Variants in PLXNC1 observed in about 807,000 individuals in gnomAD.
The protein encoded by PLXNC1 is plexin C1.
Under a neutral mutation model 178.2 loss-of-function variants are expected in PLXNC1, and 75 were observed. That is an observed-to-expected ratio of 0.42 (90% CI 0.35 to 0.51). PLXNC1 has a LOEUF of 0.51. PLXNC1 is among the 20% of genes least tolerant of loss of function. The pLI is 0.02. For missense variants in PLXNC1, 1,503 were observed against 1,984.4 expected, an observed-to-expected ratio of 0.76 and a Z score of 4.61; for synonymous variants, 790 against 779.9, an observed-to-expected ratio of 1.01 and a Z score of -0.22.
chr12:94,207,011 G>A (rs1963320360), intron 4 of PLXNC1, among the ~76,000 whole-genome samples: 1 of 152,168 alleles, frequency 6.6e-6, no homozygotes, highest in Non-Finnish European at 1.5e-5. Context: ...ACTAAAATAT[G>A]GGAGCTATAA....
At chr12:94,251,056 G>T (rs1964671022) in intron 14 of PLXNC1, among the ~76,000 whole-genome samples, 1 of 151,874 alleles carries the variant, frequency 6.6e-6, no homozygotes, top group East Asian at 2.0e-4. Context: ...CTGTAAAAAT[G>T]ATAAAAATTG....
At position 94,149,413 on chromosome 12, in the gene PLXNC1, C is replaced by A. The variant is rs1338776121; in HGVS notation, c.442C>A (p.Arg148Ser). ...GGGCAACCTGAGCCGCAACTCCCTGCGCAACGGCACCGAGGTGGTGTCGTG... is the reference window on the plus strand; with the variant it reads ...GGGCAACCTGAGCCGCAACTCCCTGAGCAACGGCACCGAGGTGGTGTCGTG... ...PLGNLSRNSL[R>S]NGTEVVSCHP... is the part of the protein sequence containing the mutation. Residue 148 changes from arginine to serine, a missense_variant, in exon 1 of 31, where the codon CGC becomes AGC. Physicochemically the swap from Arg to Ser is moderately radical, Grantham distance 110. Coordinates refer to ENST00000258526, the MANE Select transcript of PLXNC1 (RefSeq NM_005761.3). 7.0e-7 allele frequency: 1 copy of A among 1,436,552 alleles called. No homozygotes were observed. The highest frequency in any genetic ancestry group is 9.1e-7 in the Non-Finnish European group (1 of 1,104,728). The allele number at this position is 1,436,552 out of a possible 1,614,324, so 89.0% of individuals were successfully genotyped here.
Position 94,243,941 on chromosome 12 carries a change from T to C in PLXNC1, c.2304T>C (p.Gly768=), listed in dbSNP as rs1470113037. Reference sequence around the variant, plus strand: ...TTGTTGCTTTTATTCCTTGCAGTGGTGGTCAAAATATAACCATGATGGGCA... The same window carrying C: ...TTGTTGCTTTTATTCCTTGCAGTGGCGGTCAAAATATAACCATGATGGGCA... ...LIFPATTWIS[G]GQNITMMGRN... The change falls in exon 12 of 31, where the codon GGT becomes GGC. Residue 768 remains glycine, a synonymous_variant. Coordinates refer to ENST00000258526, the MANE Select transcript of PLXNC1 (RefSeq NM_005761.3). 2 of 1,560,502 alleles carry C rather than the reference T, an allele frequency of 1.3e-6. No individual in the cohort carries two copies. The highest frequency in any genetic ancestry group is 1.8e-6 in the Non-Finnish European group (2 of 1,135,110).
intron 4 of PLXNC1, among the ~76,000 whole-genome samples, chr12:94,207,232 T>C: frequency 6.6e-6 from 1 of 152,198 alleles, no homozygotes; most frequent in Non-Finnish European, 1.5e-5. Context: ...GGTTGTTTTT[T>C]TATATATATA....
At chr12:94,297,876 TAA>T (rs777694584) in intron 26 of PLXNC1, among the ~76,000 whole-genome samples, 11 of 152,232 alleles carry the variant, frequency 7.2e-5, no homozygotes, top group Non-Finnish European at 1.5e-4. Flanking sequence ...TGCTCACACA[TAA>T]AAGTGTCAGA....
intron 27 of PLXNC1, among the ~76,000 whole-genome samples, chr12:94,299,074 A>G (rs926986630): frequency 1.2e-4 from 19 of 152,222 alleles, no homozygotes; most frequent in African/African-American, 4.6e-4. Flanking sequence ...GTTGACCAGT[A>G]AAGAATGAGA....
At chr12:94,254,054 T>C (rs1964774448) in intron 15 of PLXNC1, among the ~76,000 whole-genome samples, 2 of 152,216 alleles carry the variant, frequency 1.3e-5, no homozygotes. Flanking sequence ...TTTTAAACAA[T>C]ACATTCTTAA....
chr12:94,262,995 G>A (rs994431733), intron 20 of PLXNC1, among the ~76,000 whole-genome samples: 3 of 152,124 alleles, frequency 2.0e-5, no homozygotes, highest in Admixed American at 1.3e-4. Context: ...ACCAGGGTCC[G>A]AGAGCTCTTA....
At chr12:94,203,997 C>T (rs1459559338) in intron 4 of PLXNC1, among the ~76,000 whole-genome samples, 1 of 152,228 alleles carries the variant, frequency 6.6e-6, no homozygotes, top group African/African-American at 2.4e-5. Context: ...CTCTCTTGCT[C>T]TTCCACCTCC....
At chr12:94,197,624 T>G (rs1018315226) in intron 4 of PLXNC1, among the ~76,000 whole-genome samples, 6 of 152,158 alleles carry the variant, frequency 3.9e-5, no homozygotes, top group African/African-American at 1.4e-4. Context: ...TATTCTGTAA[T>G]AGCAACACAA....
At position 94,305,445 on chromosome 12, in the gene PLXNC1, A is replaced by G. The variant is rs149475364; in HGVS notation, c.*160A>G. 1.5e-4 allele frequency: 91 copies of G among 587,514 alleles called. 1 individual carries two copies. The East Asian group carries it at 1.7e-3, about 11-fold the overall frequency. The allele number at this position is 587,514 out of a possible 1,614,324, so 36.4% of individuals were successfully genotyped here. A position where few individuals can be genotyped will look rare whatever the true frequency, so the allele number is the denominator to read the frequency against. On this transcript the variant is annotated 3_prime_UTR_variant, in exon 31 of 31. Coordinates refer to ENST00000258526, the MANE Select transcript of PLXNC1 (RefSeq NM_005761.3). ...CCAAGGCACATGCACAGCTTTTAGA[A>G]AGCATACCAACCCTTGTGCCTGTGT...
chr12:94,212,120 A>G (rs2136005584), intron 5 of PLXNC1, among the ~76,000 whole-genome samples: 1 of 151,870 alleles, frequency 6.6e-6, no homozygotes, highest in East Asian at 1.9e-4. Context: ...TAAAAATACA[A>G]AAAATTAGCC....
chr12:94,278,334 G>C (rs1169497016), intron 21 of PLXNC1, among the ~76,000 whole-genome samples: 1 of 152,204 alleles, frequency 6.6e-6, no homozygotes, highest in African/African-American at 2.4e-5. Context: ...GCTCTTCCCT[G>C]AATCAATTCC....
At chr12:94,158,374 G>T (rs1961255039) in intron 1 of PLXNC1, among the ~76,000 whole-genome samples, 1 of 152,230 alleles carries the variant, frequency 6.6e-6, no homozygotes, top group Non-Finnish European at 1.5e-5. Context: ...GGTCCAGATG[G>T]TGAAGGGCTT....
chr12:94,222,237 G>T (rs982590286), intron 6 of PLXNC1, among the ~76,000 whole-genome samples: 30 of 152,224 alleles, frequency 2.0e-4, no homozygotes, highest in African/African-American at 7.0e-4. Flanking sequence ...TGCTTTTAGC[G>T]CCTCCATCCG....
At chr12:94,281,371 T>C (rs1966427814) in intron 22 of PLXNC1, among the ~76,000 whole-genome samples, 1 of 152,136 alleles carries the variant, frequency 6.6e-6, no homozygotes, top group South Asian at 2.1e-4. Context: ...AAAACGCAGA[T>C]GCCCAAAGGG....
At chr12:94,157,654 A>G (rs1961224096) in intron 1 of PLXNC1, among the ~76,000 whole-genome samples, 1 of 152,196 alleles carries the variant, frequency 6.6e-6, no homozygotes, top group Admixed American at 6.5e-5. Context: ...ATAGCTACAC[A>G]TAGTGCTTTC....
At chr12:94,159,616 A>G (rs1961302172) in intron 1 of PLXNC1, among the ~76,000 whole-genome samples, 1 of 152,198 alleles carries the variant, frequency 6.6e-6, no homozygotes, top group Non-Finnish European at 1.5e-5. Flanking sequence ...CTGGAGAAGG[A>G]AGCAGCAGGC....
intron 5 of PLXNC1, among the ~76,000 whole-genome samples, chr12:94,216,878 C>T (rs1963659938): frequency 6.6e-6 from 1 of 152,132 alleles, no homozygotes; most frequent in South Asian, 2.1e-4. Flanking sequence ...GTCTTCACTC[C>T]CTCTTTATCC....
Sources: allele counts gnomAD v4.1 joint callset (sites outside exome capture counted in the v4.1 genomes callset), GRCh38; gene constraint gnomAD v4.1.1; transcripts MANE v1.5; gene names NCBI Gene and HGNC (gene_info 2026-07-23, HGNC 2026-07-21).